Variants in PPEF2 observed in about 807,000 individuals in gnomAD.
The protein encoded by PPEF2 is protein phosphatase with EF-hand domain 2.
PPEF2 carries 84 observed loss-of-function variants against 84.7 expected under a neutral mutation model. That is an observed-to-expected ratio of 0.99 (90% CI 0.83 to 1.19). PPEF2 has a LOEUF of 1.19. Among genes scored for constraint, PPEF2 ranks in the 50% most tolerant of loss-of-function variants. The pLI is 0.00. For missense variants in PPEF2, 924 were observed against 937.5 expected (o/e 0.99, Z 0.19); for synonymous variants, 346 against 345.2 (o/e 1.00, Z -0.03).
chr4:75,861,824 T>C (rs1160854391), intron 16 of PPEF2, among the ~76,000 whole-genome samples: 2 of 144,924 alleles, frequency 1.4e-5, no homozygotes, highest in African/African-American at 4.9e-5. Flanking sequence ...TTAGCCAGGA[T>C]GGTCTCGATC....
At chr4:75,899,462 A>G (rs573123531) in intron 1 of PPEF2, among the ~76,000 whole-genome samples, 18 of 152,240 alleles carry the variant, frequency 1.2e-4, no homozygotes, top group African/African-American at 3.9e-4. Context: ...TTCAGGAGGT[A>G]ATGTGAGATG....
chr4:75,880,591 G>A (rs1055648802), intron 10 of PPEF2, among the ~76,000 whole-genome samples: 2 of 152,148 alleles, frequency 1.3e-5, no homozygotes, highest in Admixed American at 6.5e-5. Context: ...TTGCTCTACT[G>A]TGGCTTGCTG....
intron 7 of PPEF2, 125 bp from the exon 8 acceptor site, chr4:75,884,885 T>G (rs1724684874): frequency 1.3e-6 from 1 of 785,636 alleles, no homozygotes; most frequent in African/African-American, 1.7e-5. Flanking sequence ...CTAGGTCTCC[T>G]CCAAGCCTGA....
chr4:75,861,072 A>C, intron 16 of PPEF2, 152 bp from the exon 17 acceptor site: 1 of 907,086 alleles, frequency 1.1e-6, no homozygotes, highest in Non-Finnish European at 1.6e-6. Flanking sequence ...AGGATCACAC[A>C]AACCCACTGG....
intron 10 of PPEF2, among the ~76,000 whole-genome samples, chr4:75,880,389 G>A (rs1041935355): frequency 1.3e-5 from 2 of 152,138 alleles, no homozygotes; most frequent in Non-Finnish European, 2.9e-5. Flanking sequence ...ATACCTCTCT[G>A]TACTTCTCTC....
At chr4:75,899,726 T>A (rs1247777880) in intron 1 of PPEF2, among the ~76,000 whole-genome samples, 1 of 152,168 alleles carries the variant, frequency 6.6e-6, no homozygotes, top group Non-Finnish European at 1.5e-5. Context: ...CTATGAGATG[T>A]CATGATACCA....
At chr4:75,866,047 T>A in intron 15 of PPEF2, 142 bp downstream of exon 15, 1 of 996,870 alleles carries the variant, frequency 1.0e-6, no homozygotes, top group East Asian at 2.5e-5. Context: ...GCCTGACACA[T>A]AGAAACTCAA....
intron 11 of PPEF2, among the ~76,000 whole-genome samples, chr4:75,875,499 C>T (rs754639163): frequency 3.3e-5 from 5 of 152,066 alleles, no homozygotes; most frequent in Non-Finnish European, 7.4e-5. Flanking sequence ...GTCCCAGCTA[C>T]TGGGGAGGCT....
chr4:75,889,850 T>C (rs1350272723), intron 5 of PPEF2, 107 bp downstream of exon 5: 2 of 1,275,788 alleles, frequency 1.6e-6, no homozygotes, highest in Admixed American at 3.6e-5. Flanking sequence ...AGTGGACACA[T>C]GACATGAACA....
intron 2 of PPEF2, among the ~76,000 whole-genome samples, chr4:75,895,562 T>C (rs1013413041): frequency 6.6e-6 from 1 of 150,824 alleles, no homozygotes; most frequent in African/African-American, 2.4e-5. Context: ...TGAAACCCAG[T>C]GTCTACAAAA....
rs910740928 is a variant in PPEF2, at chr4:75,860,518, C to T, written c.*149G>A. ...TACATACACAACACCCCAACCCACCCCTCCACACTGAAATACACAGGTGAT... is the reference window on the plus strand; with the variant it reads ...TACATACACAACACCCCAACCCACCTCTCCACACTGAAATACACAGGTGAT... On this transcript the variant is annotated 3_prime_UTR_variant, in exon 17 of 17. Coordinates refer to ENST00000286719, the MANE Select transcript of PPEF2 (RefSeq NM_006239.3). 2 of 1,033,740 alleles carry T rather than the reference C, an allele frequency of 1.9e-6. No individual in the cohort carries two copies. The highest frequency in any genetic ancestry group is 2.8e-6 in the Non-Finnish European group (2 of 722,180). The allele number at this position is 1,033,740 out of a possible 1,614,324, so 64.0% of individuals were successfully genotyped here. A position where few individuals can be genotyped will look rare whatever the true frequency, so the allele number is the denominator to read the frequency against.
chr4:75,866,674 T>G (rs1724140183), intron 14 of PPEF2, among the ~76,000 whole-genome samples: 1 of 152,218 alleles, frequency 6.6e-6, no homozygotes, highest in African/African-American at 2.4e-5. Context: ...TTACTAAATC[T>G]GGCAATACTT....
Position 75,886,905 on chromosome 4 carries a change from A to C in PPEF2, c.533-7T>G. 1 of 1,410,738 alleles carries C rather than the reference A, an allele frequency of 7.1e-7. No homozygotes were observed. Among genetic ancestry groups the C allele is most frequent in the Admixed American group, 2.0e-5 (1 of 50,336 alleles). The allele number at this position is 1,410,738 out of a possible 1,614,324, so 87.4% of individuals were successfully genotyped here. ...AATTGGCCATGTAAGTCTCCTAACAAAGATAGAAAAAGAATATCAATTCTG... is the reference window on the plus strand; with the variant it reads ...AATTGGCCATGTAAGTCTCCTAACACAGATAGAAAAAGAATATCAATTCTG... On this transcript the variant is annotated splice_region_variant and splice_polypyrimidine_tract_variant and intron_variant, in intron 6 of 16. Coordinates refer to ENST00000286719, the MANE Select transcript of PPEF2 (RefSeq NM_006239.3).
chr4:75,879,232 T>A (rs1008018311), intron 10 of PPEF2, among the ~76,000 whole-genome samples: 4 of 152,078 alleles, frequency 2.6e-5, no homozygotes, highest in Admixed American at 6.5e-5. Context: ...ATAAAATTTT[T>A]AAAATGGTAT....
At chr4:75,873,000 G>T in intron 12 of PPEF2, 127 bp downstream of exon 12, 1 of 914,452 alleles carries the variant, frequency 1.1e-6, no homozygotes, top group Non-Finnish European at 1.6e-6. Context: ...GTTGCTTTGA[G>T]CAAGTAGGTA....
Position 75,884,650 on chromosome 4 carries a change from G to T in PPEF2, c.690C>A (p.Tyr230Ter), listed in dbSNP as rs1485761983. 6.2e-7 allele frequency: 1 copy of T among 1,613,566 alleles called. No homozygotes were observed. Among genetic ancestry groups the T allele is most frequent in the African/African-American group, 1.3e-5 (1 of 74,872 alleles). Residue 230 changes from tyrosine to a stop codon, truncating the protein, a stop_gained, in exon 8 of 17, where the codon TAC becomes TAA. Coordinates refer to ENST00000286719, the MANE Select transcript of PPEF2 (RefSeq NM_006239.3). LOFTEE classifies it high-confidence loss of function. ...LMILFAFMLV[Y>*]PKEFHLNRGN... ...CTCTGTTAAGATGGAACTCTTTGGGGTAAACCAGCATGAAGGCAAAAAGAA... is the reference window on the plus strand; with the variant it reads ...CTCTGTTAAGATGGAACTCTTTGGGTTAAACCAGCATGAAGGCAAAAAGAA...
chr4:75,865,409 A>G (rs1724102719), intron 15 of PPEF2, among the ~76,000 whole-genome samples: 1 of 150,486 alleles, frequency 6.6e-6, no homozygotes, highest in African/African-American at 2.4e-5. Flanking sequence ...GTTTTTTTAA[A>G]CAGAGTCTTG....
intron 13 of PPEF2, among the ~76,000 whole-genome samples, chr4:75,870,847 A>T (rs1252733513): frequency 1.3e-5 from 2 of 151,458 alleles, no homozygotes; most frequent in African/African-American, 4.9e-5. Flanking sequence ...TAATCTCTCA[A>T]CTAAGAACTC....
intron 10 of PPEF2, among the ~76,000 whole-genome samples, chr4:75,880,031 T>C (rs1724526486): frequency 1.3e-5 from 2 of 152,064 alleles, no homozygotes; most frequent in Admixed American, 1.3e-4. Flanking sequence ...GGTTTCACCA[T>C]GTTGGCCAGG....
Sources: allele counts gnomAD v4.1 joint callset (sites outside exome capture counted in the v4.1 genomes callset), GRCh38; gene constraint gnomAD v4.1.1; transcripts MANE v1.5; gene names NCBI Gene and HGNC (gene_info 2026-07-23, HGNC 2026-07-21).